Variants in TCAIM observed in about 807,000 individuals in gnomAD.
TCAIM encodes T cell activation inhibitor, mitochondrial, also known as T-cell activation inhibitor, mitochondrial.
In TCAIM, 36 loss-of-function variants were observed where a neutral mutation model predicts 58.6. That is an observed-to-expected ratio of 0.61 (90% CI 0.47 to 0.81). The LOEUF (loss-of-function observed/expected upper bound fraction) is 0.81, where lower values mean the gene tolerates loss of function less well. Among genes scored for constraint, TCAIM ranks in the 30% least tolerant of loss-of-function variants. The pLI is 0.00. For synonymous variants in TCAIM, 172 were observed against 193.6 expected, an observed-to-expected ratio of 0.89 and a Z score of 0.93; for missense variants, 466 against 579.6, an observed-to-expected ratio of 0.80 and a Z score of 2.01.
chr3:44,397,909 T>A (rs4682977), intron 8 of TCAIM, among the ~76,000 whole-genome samples: 1 of 151,652 alleles, frequency 6.6e-6, no homozygotes, highest in Non-Finnish European at 1.5e-5. Flanking sequence ...ACCGTATATC[T>A]GACAAAGACA....
intron 1 of TCAIM, chr3:44,341,320 C>T (rs1266763277): frequency 1.3e-5 from 2 of 152,104 alleles, no homozygotes; most frequent in South Asian, 4.1e-4. Context: ...ATTATATTCA[C>T]TTTAGGTTTT....
intron 5 of TCAIM, among the ~76,000 whole-genome samples, chr3:44,392,109 G>T (rs1320671027): frequency 6.6e-6 from 1 of 152,272 alleles, no homozygotes; most frequent in Middle Eastern, 3.4e-3. Flanking sequence ...TAGGAATCTA[G>T]TGACAGGTTT....
chr3:44,353,880 T>C (rs1367131053), intron 1 of TCAIM, among the ~76,000 whole-genome samples: 1 of 152,222 alleles, frequency 6.6e-6, no homozygotes, highest in Non-Finnish European at 1.5e-5. Context: ...GTGGCTTTTC[T>C]TCTCATTCTC....
At chr3:44,404,933 G>A (rs1452737622) in intron 10 of TCAIM, among the ~76,000 whole-genome samples, 2 of 152,066 alleles carry the variant, frequency 1.3e-5, no homozygotes, top group Non-Finnish European at 2.9e-5. Flanking sequence ...GGTCCTCACA[G>A]TAGCAGCTCT....
intron 5 of TCAIM, among the ~76,000 whole-genome samples, chr3:44,377,412 C>T (rs1410183632): frequency 1.3e-5 from 2 of 151,526 alleles, no homozygotes; most frequent in Non-Finnish European, 2.9e-5. Flanking sequence ...ATAGAAAGTT[C>T]TACAATAATG....
intron 6 of TCAIM, among the ~76,000 whole-genome samples, chr3:44,395,372 T>G (rs749790252): frequency 4.6e-5 from 7 of 152,180 alleles, no homozygotes; most frequent in Non-Finnish European, 1.0e-4. Context: ...TTTGAATGCC[T>G]GACTCCTTCA....
At chr3:44,344,564 CT>C (rs1488324384) in intron 1 of TCAIM, among the ~76,000 whole-genome samples, 1 of 152,106 alleles carries the variant, frequency 6.6e-6, no homozygotes, top group Non-Finnish European at 1.5e-5. Flanking sequence ...CCCTCTGGGG[CT>C]TTTTTCTTTT....
At chr3:44,344,118 C>A (rs774907517) in intron 1 of TCAIM, among the ~76,000 whole-genome samples, 2 of 150,428 alleles carry the variant, frequency 1.3e-5, no homozygotes, top group Non-Finnish European at 1.5e-5. Context: ...ACCTCCCAGG[C>A]TCAAGGCCTC....
chr3:44,387,890 A>G (rs1298695982), intron 5 of TCAIM, among the ~76,000 whole-genome samples: 1 of 152,250 alleles, frequency 6.6e-6, no homozygotes, highest in African/African-American at 2.4e-5. Flanking sequence ...TGTCTCTAGA[A>G]TAAAAAAAGT....
chr3:44,351,879 T>C (rs1701098613), intron 1 of TCAIM, among the ~76,000 whole-genome samples: 1 of 152,160 alleles, frequency 6.6e-6, no homozygotes, highest in South Asian at 2.1e-4. Context: ...TGGAAATAAA[T>C]TGAAGTATCC....
At chr3:44,405,188 T>G (rs572803312) in intron 10 of TCAIM, among the ~76,000 whole-genome samples, 10 of 152,294 alleles carry the variant, frequency 6.6e-5, no homozygotes, top group African/African-American at 2.4e-4. Context: ...AACCTGCACC[T>G]GAGAATCAAC....
At chr3:44,370,064 ATAAGT>A (rs1701439706) in intron 5 of TCAIM, among the ~76,000 whole-genome samples, 1 of 132,172 alleles carries the variant, frequency 7.6e-6, no homozygotes, top group Non-Finnish European at 1.7e-5. Flanking sequence ...CTATGCATAG[ATAAGT>A]TATGTTGCTG....
intron 1 of TCAIM, chr3:44,339,859 C>T (rs189411483): frequency 3.8e-4 from 58 of 152,270 alleles, no homozygotes; most frequent in African/African-American, 1.4e-3. Flanking sequence ...CTCTAAAAGT[C>T]TTTTGAGTAT....
intron 1 of TCAIM, chr3:44,340,137 A>G (rs1700827074): frequency 6.6e-6 from 1 of 152,230 alleles, no homozygotes; most frequent in Non-Finnish European, 1.5e-5. Context: ...TAGTGTCTGA[A>G]TGAGAGCACC....
At chr3:44,354,692 A>T in intron 1 of TCAIM, 47 bp from the exon 2 acceptor site, 1 of 1,367,814 alleles carries the variant, frequency 7.3e-7, no homozygotes, top group Non-Finnish European at 1.0e-6. Flanking sequence ...TGTGTTTTAC[A>T]TTTAAAATTC....
chr3:44,392,845 C>G lies in TCAIM; in HGVS notation c.573-10C>G. The G allele has an allele frequency of 6.2e-7, 1 of 1,609,952 alleles. No individual in the cohort carries two copies. On this transcript the variant is annotated splice_polypyrimidine_tract_variant and intron_variant, in intron 5 of 10. Transcript: ENST00000342649. ...TTAGTATTGTAAAGTATGTATCTCT[C>G]TCTTTCTAGATCCTGGTTAGATAAC... is the stretch of plus-strand genomic sequence containing the variant.
intron 5 of TCAIM, among the ~76,000 whole-genome samples, chr3:44,389,030 G>A (rs1167104155): frequency 2.0e-5 from 3 of 152,326 alleles, no homozygotes; most frequent in Admixed American, 6.5e-5. Context: ...GGTGGCTTAC[G>A]CCTGTAATCC....
chr3:44,351,889 C>T (rs959041350), intron 1 of TCAIM, among the ~76,000 whole-genome samples: 5 of 151,968 alleles, frequency 3.3e-5, no homozygotes, highest in African/African-American at 1.2e-4. Context: ...TTGAAGTATC[C>T]ATTTTTGTTT....
chr3:44,402,318 G>A (rs903659489), intron 10 of TCAIM, among the ~76,000 whole-genome samples: 2 of 152,146 alleles, frequency 1.3e-5, no homozygotes, highest in Non-Finnish European at 2.9e-5. Flanking sequence ...GCTGAGGTGG[G>A]AGGATTGATT....
Sources: allele counts gnomAD v4.1 joint callset (sites outside exome capture counted in the v4.1 genomes callset), GRCh38; gene constraint gnomAD v4.1.1; transcripts MANE v1.5; gene names NCBI Gene and HGNC (gene_info 2026-07-23, HGNC 2026-07-21).